Variants in KCNIP4 observed in about 807,000 individuals in gnomAD.
KCNIP4 encodes Kv channel-interacting protein 4.
Under a neutral mutation model 34.0 loss-of-function variants are expected in KCNIP4, and 12 were observed. The ratio of observed to expected loss-of-function variants is 0.35; its 90% confidence interval spans 0.23 to 0.57. KCNIP4 has a LOEUF of 0.57. KCNIP4 is among the 20% of genes least tolerant of loss of function. The pLI, the probability that KCNIP4 is intolerant of heterozygous loss-of-function variation, is 0.83. For synonymous variants in KCNIP4, 124 were observed against 102.2 expected (o/e 1.21, Z -1.29); for missense variants, 238 against 311.7 (o/e 0.76, Z 1.78).
In KCNIP4 at chr4:21,234,455, ATATAACG is replaced by A. The variant is rs1332994668; in HGVS notation, c.62-351753_62-351747del. 3.6e-4 allele frequency among the ~76,000 whole-genome samples: 47 copies of A among 130,780 alleles called. 15 individuals carry two copies. Among genetic ancestry groups the A allele is most frequent in the East Asian group, 8.5e-4 (4 of 4,732 alleles). 85.8% of individuals were successfully genotyped at this position (130,780 alleles called of 152,430 possible). A position where few individuals can be genotyped will look rare whatever the true frequency, so the allele number is the denominator to read the frequency against. On this transcript the variant is annotated intron_variant, in intron 1 of 8. Coordinates refer to ENST00000382152, the MANE Select transcript of KCNIP4 (RefSeq NM_025221.6). ...ATATAACGTATATAATATATATTAC[ATATAACG>A]TATATAATATATAGTACATATAACG...
intron 3 of KCNIP4, among the ~76,000 whole-genome samples, chr4:20,760,171 T>G (rs532112330): frequency 6.3e-4 from 96 of 152,274 alleles, no homozygotes; most frequent in African/African-American, 1.7e-3. Flanking sequence ...TAGTCTCTTT[T>G]AGTAGATTCT....
At chr4:20,957,755 C>T (rs1465313718) in intron 1 of KCNIP4, among the ~76,000 whole-genome samples, 1 of 152,116 alleles carries the variant, frequency 6.6e-6, no homozygotes, top group Non-Finnish European at 1.5e-5. Context: ...TTTAAGTACA[C>T]TAATCACACT....
rs1200439775 is a variant in KCNIP4 at position 21,055,392 on chromosome 4, A to G, written c.62-172683T>C. On this transcript the variant is annotated intron_variant, in intron 1 of 8. Transcript: ENST00000382152. ...TATAAAAACTAAACATAATGTTATC[A>G]TATGATCCAGCAATTGTACTCCTTG... Among the ~76,000 whole-genome samples, 14 of 152,320 alleles carry G rather than the reference A, an allele frequency of 9.2e-5. No individual in the cohort carries two copies. In the East Asian group the frequency reaches 2.7e-3, roughly 29 times the overall value.
intron 1 of KCNIP4, among the ~76,000 whole-genome samples, chr4:21,944,790 G>A (rs2109023662): frequency 6.6e-6 from 1 of 152,282 alleles, no homozygotes. Context: ...ACATCCCAGT[G>A]AGTTCAGGAC....
At chr4:21,539,389 C>G (rs1173637040) in intron 1 of KCNIP4, among the ~76,000 whole-genome samples, 5 of 152,110 alleles carry the variant, frequency 3.3e-5, no homozygotes, top group Non-Finnish European at 7.4e-5. Flanking sequence ...TTAAAATAAC[C>G]AACAGAAAGT....
At chr4:21,820,618 AC>A (rs1223715829) in intron 1 of KCNIP4, among the ~76,000 whole-genome samples, 2 of 152,106 alleles carry the variant, frequency 1.3e-5, no homozygotes, top group Non-Finnish European at 2.9e-5. Context: ...TCAAGTTGTG[AC>A]CTTAATCAAA....
At chr4:21,829,879 C>A (rs1360368631) in intron 1 of KCNIP4, among the ~76,000 whole-genome samples, 1 of 150,192 alleles carries the variant, frequency 6.7e-6, no homozygotes, top group African/African-American at 2.5e-5. Flanking sequence ...TCAAAGCATA[C>A]CAATAAAAAT....
chr4:21,305,539 G>A (rs1463055027), intron 1 of KCNIP4, among the ~76,000 whole-genome samples: 2 of 152,186 alleles, frequency 1.3e-5, no homozygotes, highest in African/African-American at 4.8e-5. Context: ...TGGAGGAAGT[G>A]CAGTCCTCCT....
intron 1 of KCNIP4, among the ~76,000 whole-genome samples, chr4:21,832,575 ATTTT>A (rs1195579333): frequency 2.8e-5 from 1 of 36,290 alleles, no homozygotes; most frequent in Non-Finnish European, 7.5e-5. Context: ...TTTTGTTTTT[ATTTT>A]TTTTATTTTT....
chr4:21,625,367 T>C (rs556960407), intron 1 of KCNIP4, among the ~76,000 whole-genome samples: 1 of 152,098 alleles, frequency 6.6e-6, no homozygotes, highest in Admixed American at 6.6e-5. Context: ...TATATTACTA[T>C]TTATAATTAT....
At chr4:21,414,780 T>C (rs1445533115) in intron 1 of KCNIP4, among the ~76,000 whole-genome samples, 1 of 152,288 alleles carries the variant, frequency 6.6e-6, no homozygotes, top group East Asian at 1.9e-4. Flanking sequence ...TGTGACAACC[T>C]GAATGAATCT....
intron 1 of KCNIP4, among the ~76,000 whole-genome samples, chr4:21,487,509 C>G (rs1577447464): frequency 1.0e-5 from 1 of 96,598 alleles, no homozygotes; most frequent in Non-Finnish European, 2.3e-5. Context: ...TTTTTATCCT[C>G]CCTTTCCATA....
chr4:21,821,277 T>G (rs963286702), intron 1 of KCNIP4, among the ~76,000 whole-genome samples: 1 of 152,114 alleles, frequency 6.6e-6, no homozygotes, highest in Admixed American at 6.6e-5. Flanking sequence ...GGAGACACCT[T>G]TCAATTCCAA....
intron 1 of KCNIP4, among the ~76,000 whole-genome samples, chr4:21,544,232 ATTCTCTCTCTGTCTCT>A (rs1430229934): frequency 6.7e-6 from 1 of 148,484 alleles, no homozygotes; most frequent in Non-Finnish European, 1.5e-5. Context: ...CCTATGAGAA[ATTCTCTCTCTGTCTCT>A]TTCTCTCTCT....
chr4:21,349,949 A>G (rs1295819701), intron 1 of KCNIP4, among the ~76,000 whole-genome samples: 1 of 152,188 alleles, frequency 6.6e-6, no homozygotes. Flanking sequence ...GGAGTTTCTC[A>G]TCTAGAAAAC....
intron 1 of KCNIP4, among the ~76,000 whole-genome samples, chr4:21,147,484 C>T (rs1470744681): frequency 6.6e-6 from 1 of 152,150 alleles, no homozygotes; most frequent in East Asian, 1.9e-4. Context: ...AAGTGTATTG[C>T]TCATGAACTG....
chr4:21,592,359 A>G (rs1000338626), intron 1 of KCNIP4, among the ~76,000 whole-genome samples: 2 of 152,136 alleles, frequency 1.3e-5, no homozygotes, highest in Non-Finnish European at 2.9e-5. Context: ...TATATAAGAT[A>G]TCTCGTTTGG....
At chr4:20,853,178 G>C (rs771512916) in intron 2 of KCNIP4, among the ~76,000 whole-genome samples, 66 of 152,164 alleles carry the variant, frequency 4.3e-4, no homozygotes, top group Admixed American at 1.6e-3. Flanking sequence ...TGGCCTCATA[G>C]AAAAAGCAAG....
intron 1 of KCNIP4, among the ~76,000 whole-genome samples, chr4:21,009,733 A>G (rs1738902318): frequency 6.6e-6 from 1 of 152,356 alleles, no homozygotes; most frequent in South Asian, 2.1e-4. Flanking sequence ...ATGTCTTGAC[A>G]AAGGACATAT....
Sources: allele counts gnomAD v4.1 joint callset (sites outside exome capture counted in the v4.1 genomes callset), GRCh38; gene constraint gnomAD v4.1.1; transcripts MANE v1.5; gene names NCBI Gene and HGNC (gene_info 2026-07-23, HGNC 2026-07-21).